Variants in YAP1 observed in about 807,000 individuals in gnomAD.
The protein encoded by YAP1 is transcriptional coactivator YAP1.
A neutral mutation model predicts 56.9 loss-of-function variants in YAP1; 5 were observed. That is an observed-to-expected ratio of 0.09 (90% CI 0.05 to 0.18). The LOEUF (loss-of-function observed/expected upper bound fraction) is 0.18, where lower values mean the gene tolerates loss of function less well. YAP1 is among the 10% of genes least tolerant of loss of function. The pLI, the probability that YAP1 is intolerant of heterozygous loss-of-function variation, is 1.00. For missense variants in YAP1, 539 were observed against 651.8 expected, an observed-to-expected ratio of 0.83 and a Z score of 1.88; for synonymous variants, 265 against 248.1, an observed-to-expected ratio of 1.07 and a Z score of -0.64.
At chr11:102,152,446 A>G (rs182474753) in intron 2 of YAP1, among the ~76,000 whole-genome samples, 2 of 152,290 alleles carry the variant, frequency 1.3e-5, no homozygotes, top group African/African-American at 4.8e-5. Context: ...TCGATTTGAG[A>G]GGTAAGTCTG....
intron 1 of YAP1, 49 bp from the exon 2 acceptor site, chr11:102,114,095 C>T: frequency 6.5e-7 from 1 of 1,542,274 alleles, no homozygotes; most frequent in East Asian, 2.3e-5. Flanking sequence ...TAAAGGGACT[C>T]AGTTGTGTTT....
At chr11:102,176,914 G>A (rs752253251) in intron 3 of YAP1, among the ~76,000 whole-genome samples, 3 of 152,004 alleles carry the variant, frequency 2.0e-5, no homozygotes, top group Non-Finnish European at 4.4e-5. Flanking sequence ...CAAGCCATGC[G>A]GCTGGGAGGA....
intron 4 of YAP1, among the ~76,000 whole-genome samples, chr11:102,199,340 A>G (rs1376705011): frequency 1.3e-5 from 2 of 152,188 alleles, no homozygotes; most frequent in African/African-American, 4.8e-5. Flanking sequence ...TTATGTAACT[A>G]TGTTTGTTGG....
At chr11:102,208,757 C>T (rs1318646910) in intron 5 of YAP1, among the ~76,000 whole-genome samples, 2 of 151,988 alleles carry the variant, frequency 1.3e-5, no homozygotes, top group Admixed American at 1.3e-4. Context: ...TAAAAACTGT[C>T]AAAATCAAGA....
In YAP1 at chr11:102,115,828, G is replaced by C. The variant is rs142892260; in HGVS notation, c.572+1434G>C. On this transcript the variant is annotated intron_variant, in intron 2 of 8. Transcript: ENST00000282441. Reference sequence around the variant, plus strand: ...AGGGGAAGGGAGTGGAAACAAACCAGGTTGTTAGGAAGAAAAAGAAAGGCT... The same window carrying C: ...AGGGGAAGGGAGTGGAAACAAACCACGTTGTTAGGAAGAAAAAGAAAGGCT... 5.1e-3 allele frequency among the ~76,000 whole-genome samples: 776 copies of C among 152,254 alleles called. 1 individual carries two copies. The highest frequency in any genetic ancestry group is 0.014 in the Middle Eastern group (4 of 292).
chr11:102,120,559 A>G (rs1174206471), intron 2 of YAP1, among the ~76,000 whole-genome samples: 1 of 152,116 alleles, frequency 6.6e-6, no homozygotes, highest in Non-Finnish European at 1.5e-5. Flanking sequence ...TCTTTATGGG[A>G]TGTTAGTCAC....
rs143876022 is a variant in YAP1 at position 102,229,723 on chromosome 11, C to T, written c.1298C>T (p.Thr433Ile). Residue 433 changes from threonine (T) to isoleucine (I), a missense_variant, in exon 9 of 9, where the codon ACC becomes ATC. Around this residue, in one of 4 missense-constraint regions of YAP1, gnomAD observed 414 missense variants for 512.4 expected, o/e 0.81. Coordinates refer to ENST00000282441, the MANE Select transcript of YAP1 (RefSeq NM_001130145.3). ...MDTGDTINQS[T>I]LPSQQNRFPD... Reference sequence around the variant, plus strand: ...CTAGGTGATACTATCAACCAAAGCACCCTGCCCTCACAGCAGAACCGTTTC... The same window carrying T: ...CTAGGTGATACTATCAACCAAAGCATCCTGCCCTCACAGCAGAACCGTTTC... 87 of 1,613,958 alleles carry T rather than the reference C, an allele frequency of 5.4e-5. No individual in the cohort carries two copies. The highest frequency in any genetic ancestry group is 7.2e-5 in the Non-Finnish European group (85 of 1,179,988).
chr11:102,164,392 CTAT>C (rs1946474290), intron 3 of YAP1, among the ~76,000 whole-genome samples: 2 of 152,138 alleles, frequency 1.3e-5, no homozygotes, highest in South Asian at 4.1e-4. Context: ...TACTTGGCAA[CTAT>C]TATGTTTTTT....
At chr11:102,220,620 G>C (rs1306300816) in intron 6 of YAP1, among the ~76,000 whole-genome samples, 1 of 152,148 alleles carries the variant, frequency 6.6e-6, no homozygotes, top group Non-Finnish European at 1.5e-5. Context: ...GATACCAAAA[G>C]ACAGCCAATA....
chr11:102,176,574 A>C (rs1456625925), intron 3 of YAP1, among the ~76,000 whole-genome samples: 3 of 151,620 alleles, frequency 2.0e-5, no homozygotes, highest in Admixed American at 6.6e-5. Context: ...GTGAAACCTC[A>C]TCTCTACTAA....
At chr11:102,114,536 C>T (rs1943157772) in intron 2 of YAP1, 142 bp downstream of exon 2, 1 of 1,062,858 alleles carries the variant, frequency 9.4e-7, no homozygotes, top group Non-Finnish European at 1.3e-6. Flanking sequence ...CTCTATCTTC[C>T]ATATATATGT....
chr11:102,227,203 C>T (rs901871948), intron 7 of YAP1: 3 of 371,818 alleles, frequency 8.1e-6, no homozygotes, highest in Non-Finnish European at 9.8e-6. Context: ...TTTTTTGTCC[C>T]TTATTGTCAC....
At chr11:102,208,263 T>C (rs1435354250) in intron 5 of YAP1, among the ~76,000 whole-genome samples, 3 of 152,206 alleles carry the variant, frequency 2.0e-5, no homozygotes, top group African/African-American at 7.2e-5. Context: ...TCATGTCCCC[T>C]TCCCCTGTGA....
intron 3 of YAP1, among the ~76,000 whole-genome samples, chr11:102,181,520 A>C (rs900964652): frequency 7.9e-5 from 12 of 152,218 alleles, no homozygotes; most frequent in Admixed American, 7.8e-4. Context: ...ACTTCCTGCC[A>C]CCTACTCCTT....
intron 2 of YAP1, among the ~76,000 whole-genome samples, chr11:102,149,342 T>A (rs1035585479): frequency 2.0e-5 from 3 of 152,126 alleles, no homozygotes; most frequent in African/African-American, 7.2e-5. Context: ...GGAGATGGAA[T>A]AAGATGGGTA....
chr11:102,163,235 G>A (rs1308869387), intron 3 of YAP1, among the ~76,000 whole-genome samples: 3 of 152,002 alleles, frequency 2.0e-5, no homozygotes, highest in Admixed American at 6.6e-5. Flanking sequence ...TACATAATGG[G>A]GAGTAACAGT....
At chr11:102,128,051 GCC>G (rs367762788) in intron 2 of YAP1, among the ~76,000 whole-genome samples, 1 of 152,174 alleles carries the variant, frequency 6.6e-6, no homozygotes, top group Non-Finnish European at 1.5e-5. Context: ...AGTTTTACAG[GCC>G]CATAGGTGGA....
chr11:102,162,437 G>T lies in YAP1; in HGVS notation c.573-19G>T. 1 of 1,607,810 alleles carries T rather than the reference G, an allele frequency of 6.2e-7. No individual in the cohort carries two copies. The highest frequency in any genetic ancestry group is 8.5e-7 in the Non-Finnish European group (1 of 1,174,434). On this transcript the variant is annotated intron_variant, in intron 2 of 8. Transcript: ENST00000282441. Reference sequence around the variant, plus strand: ...AACCTGGTATTTGTTTCCTAATGCAGTGGTTTGTTTTGTCTTAGTCACATC... The same window carrying T: ...AACCTGGTATTTGTTTCCTAATGCATTGGTTTGTTTTGTCTTAGTCACATC...
At chr11:102,179,513 A>G (rs760530063) in intron 3 of YAP1, among the ~76,000 whole-genome samples, 2 of 152,102 alleles carry the variant, frequency 1.3e-5, no homozygotes, top group Non-Finnish European at 2.9e-5. Flanking sequence ...ATTCTGCCCC[A>G]TCCACAGGTA....
Sources: gnomAD v4.1 joint callset for allele counts (sites outside exome capture counted in the v4.1 genomes callset) on GRCh38, gnomAD v4.1.1 for gene constraint, gnomAD v4.1.1 regional missense constraint, MANE v1.5 for transcripts, NCBI Gene and HGNC (gene_info 2026-07-23, HGNC 2026-07-21) for gene names.